Variants in CCSER1 observed in about 807,000 individuals in gnomAD.
CCSER1 encodes the protein coiled-coil serine rich protein 1.
In CCSER1, 41 loss-of-function variants were observed where a neutral mutation model predicts 82.0. That is an observed-to-expected ratio of 0.50 (90% CI 0.39 to 0.65). The LOEUF is 0.65. Ranked by LOEUF, CCSER1 falls within the 30% of genes least tolerant of loss-of-function variation. The pLI is 0.00. For synonymous variants in CCSER1, 414 were observed against 383.9 expected (o/e 1.08, Z -0.92); for missense variants, 1,119 against 1,064.2 (o/e 1.05, Z -0.72).
intron 7 of CCSER1, among the ~76,000 whole-genome samples, chr4:90,810,253 T>C (rs1406120879): frequency 1.3e-5 from 2 of 152,154 alleles, no homozygotes; most frequent in East Asian, 3.9e-4. Flanking sequence ...AGAGCCACCA[T>C]GGCCAGCCAA....
chr4:91,137,342 C>T (rs62310660), intron 10 of CCSER1, among the ~76,000 whole-genome samples: 2,154 of 73,042 alleles, frequency 0.029, 122 homozygotes, highest in Non-Finnish European at 0.054. Context: ...GACATGAAAT[C>T]ATCATTTTTT....
At chr4:90,572,620 A>G (rs1459962051) in intron 5 of CCSER1, among the ~76,000 whole-genome samples, 1 of 151,422 alleles carries the variant, frequency 6.6e-6, no homozygotes, top group African/African-American at 2.4e-5. Flanking sequence ...TCTGCTCTTG[A>G]TGCTTTCTAC....
chr4:91,428,250 G>T (rs1754103308), intron 10 of CCSER1, among the ~76,000 whole-genome samples: 1 of 151,898 alleles, frequency 6.6e-6, no homozygotes, highest in Non-Finnish European at 1.5e-5. Context: ...ATTGCTTTCA[G>T]TTTGGTATTG....
At chr4:91,296,461 A>ATT (rs1744174588) in intron 10 of CCSER1, among the ~76,000 whole-genome samples, 1 of 64,540 alleles carries the variant, frequency 1.5e-5, no homozygotes, top group African/African-American at 6.2e-5. Context: ...ATATATATAT[A>ATT]TATATGTATA....
chr4:91,503,355 A>AG (rs1257594908), intron 10 of CCSER1, among the ~76,000 whole-genome samples: 3 of 151,642 alleles, frequency 2.0e-5, no homozygotes, highest in Non-Finnish European at 4.4e-5. Flanking sequence ...AAAAAAAAAA[A>AG]GAAAAAAAGA....
chr4:90,622,159 G>A (rs902570271), intron 5 of CCSER1, among the ~76,000 whole-genome samples: 8 of 152,104 alleles, frequency 5.3e-5, no homozygotes, highest in Admixed American at 6.6e-5. Flanking sequence ...TTTTTAAAAT[G>A]CATCTGTGAT....
intron 10 of CCSER1, among the ~76,000 whole-genome samples, chr4:91,398,133 T>A (rs1433283690): frequency 6.6e-6 from 1 of 151,986 alleles, no homozygotes; most frequent in Non-Finnish European, 1.5e-5. Context: ...ATTTTGAGGA[T>A]CAGATGTATG....
chr4:90,285,298 G>T (rs554579069), intron 1 of CCSER1, among the ~76,000 whole-genome samples: 3 of 151,710 alleles, frequency 2.0e-5, no homozygotes, highest in African/African-American at 7.3e-5. Flanking sequence ...TTTCCATTTT[G>T]TGCATATCTT....
chr4:91,475,720 C>T (rs1290046936), intron 10 of CCSER1, among the ~76,000 whole-genome samples: 2 of 151,736 alleles, frequency 1.3e-5, no homozygotes, highest in Non-Finnish European at 3.0e-5. Context: ...CTGTAATCAT[C>T]CTACTGTGCT....
At chr4:91,242,094 TA>T (rs1425795660) in intron 10 of CCSER1, among the ~76,000 whole-genome samples, 6 of 151,974 alleles carry the variant, frequency 3.9e-5, no homozygotes, top group Admixed American at 6.6e-5. Context: ...GGTAGAAGGT[TA>T]GGGGAGATCT....
At chr4:90,529,382 A>T (rs1196886028) in intron 5 of CCSER1, among the ~76,000 whole-genome samples, 2 of 151,926 alleles carry the variant, frequency 1.3e-5, no homozygotes, top group Non-Finnish European at 2.9e-5. Flanking sequence ...GACGCATTTC[A>T]CTATGCCTGG....
At chr4:90,759,548 A>T (rs1485072663) in intron 7 of CCSER1, among the ~76,000 whole-genome samples, 1 of 152,164 alleles carries the variant, frequency 6.6e-6, no homozygotes, top group Non-Finnish European at 1.5e-5. Flanking sequence ...GACTTTGTAA[A>T]TTTCTATGTT....
In CCSER1 at chr4:90,497,252, G is replaced by A. The variant is rs149948183; in HGVS notation, c.1724+28898G>A. On this transcript the variant is annotated intron_variant, in intron 5 of 10. Coordinates refer to ENST00000509176, the MANE Select transcript of CCSER1 (RefSeq NM_001145065.2). The stretch of plus-strand genomic sequence containing the variant: ...ATGTCCTTGCTTTGATTTAATTTTA[G>A]TTACACAGAACCATGCAAAATGAGA... 3.0e-4 allele frequency among the ~76,000 whole-genome samples: 45 copies of A among 152,186 alleles called. No individual in the cohort carries two copies. The East Asian group carries it at 8.7e-3, about 29-fold the overall frequency.
chr4:90,750,781 G>A (rs954243377), intron 7 of CCSER1, among the ~76,000 whole-genome samples: 1 of 152,006 alleles, frequency 6.6e-6, no homozygotes, highest in Non-Finnish European at 1.5e-5. Flanking sequence ...ATTGGTAAAT[G>A]GTGTCTGTAT....
chr4:90,703,013 A>G (rs575526802), intron 6 of CCSER1, among the ~76,000 whole-genome samples: 2 of 152,186 alleles, frequency 1.3e-5, no homozygotes, highest in East Asian at 1.9e-4. Flanking sequence ...GCCTTCTGCT[A>G]GCTTTTGAAT....
At chr4:91,436,340 A>G (rs1373322395) in intron 10 of CCSER1, among the ~76,000 whole-genome samples, 1 of 152,188 alleles carries the variant, frequency 6.6e-6, no homozygotes, top group Admixed American at 6.5e-5. Context: ...CTTTCAATAA[A>G]TGTACTGATA....
chr4:90,778,687 A>C lies in CCSER1; in HGVS notation c.2011-37075A>C, dbSNP rs560211591. Among the ~76,000 whole-genome samples, 6 of 152,188 alleles carry C rather than the reference A, an allele frequency of 3.9e-5. No homozygotes were observed. In the East Asian group the frequency reaches 9.7e-4, roughly 25 times the overall value. On this transcript the variant is annotated intron_variant, in intron 7 of 10. Transcript: ENST00000509176. ...TTTTGCAGTGAAGCAAATGAACTACATGTGGGATACCATGTTTAAACTAGA... is the reference window on the plus strand; with the variant it reads ...TTTTGCAGTGAAGCAAATGAACTACCTGTGGGATACCATGTTTAAACTAGA...
intron 4 of CCSER1, among the ~76,000 whole-genome samples, chr4:90,425,307 GGAGAGAGAGA>G (rs769432517): frequency 6.7e-6 from 1 of 150,130 alleles, no homozygotes; most frequent in South Asian, 2.1e-4. Flanking sequence ...AATGCATGAA[GGAGAGAGAGA>G]GAGAGAGAGG....
Position 91,265,038 on chromosome 4 carries a change from G to A in CCSER1, c.2217+179044G>A, listed in dbSNP as rs186762623. Among the ~76,000 whole-genome samples, 73 of 151,896 alleles carry A rather than the reference G, an allele frequency of 4.8e-4. No individual in the cohort carries two copies. In the East Asian group the frequency reaches 0.011, roughly 22 times the overall value. ...TTGTGTATAAAGAATTTTTTATATT[G>A]ATTTTATAAACCATAAGAAAGAAAT... On this transcript the variant is annotated intron_variant, in intron 10 of 10. Coordinates refer to ENST00000509176, the MANE Select transcript of CCSER1 (RefSeq NM_001145065.2).
Sources: gnomAD v4.1 joint callset for allele counts (sites outside exome capture counted in the v4.1 genomes callset) on GRCh38, gnomAD v4.1.1 for gene constraint, MANE v1.5 for transcripts, NCBI Gene and HGNC (gene_info 2026-07-23, HGNC 2026-07-21) for gene names.